The following C2CD2 variants were observed in gnomAD, a reference collection of about 807,000 sequenced individuals.
C2CD2 encodes C2 domain-containing protein 2.
A neutral mutation model predicts 74.3 loss-of-function variants in C2CD2; 43 were observed. The ratio of observed to expected loss-of-function variants is 0.58; its 90% CI spans 0.45 to 0.75. The LOEUF (loss-of-function observed/expected upper bound fraction) is 0.75, where lower values mean the gene tolerates loss of function less well. Ranked by LOEUF, C2CD2 falls within the 30% of genes least tolerant of loss-of-function variation. The pLI is 0.00. For synonymous variants in C2CD2, 422 were observed against 390.7 expected (o/e 1.08, Z -0.94); for missense variants, 801 against 916.3 (o/e 0.87, Z 1.63).
rs1271261467 is a variant in C2CD2, at chr21:41,923,908, GA to G, written c.379-1824del. 2.0e-5 allele frequency among the ~76,000 whole-genome samples: 3 copies of G among 152,150 alleles called. No homozygotes were observed. The highest frequency in any genetic ancestry group is 6.5e-5 in the Admixed American group (1 of 15,282). On this transcript the variant is annotated intron_variant, in intron 2 of 13. Transcript: ENST00000380486. This position sits in a 1 kb window ranked among gnomAD's most constrained non-coding sequence, Gnocchi z 5.8. ...AGGTGTGTACTGGCCAGGAGGAGGAGAGGGGAGGCCAGGGGCACAGTGGGCT... is the reference window on the plus strand; with the variant it reads ...AGGTGTGTACTGGCCAGGAGGAGGAGGGGGAGGCCAGGGGCACAGTGGGCT...
intron 2 of C2CD2, among the ~76,000 whole-genome samples, chr21:41,928,604 A>C (rs1418047745): frequency 2.0e-5 from 3 of 150,304 alleles, no homozygotes; most frequent in Non-Finnish European, 4.4e-5. Context: ...ACAGTTAGCT[A>C]GAGTGACAAA....
At chr21:41,901,798 TC>T in intron 11 of C2CD2, 49 bp from the exon 12 acceptor site, 1 of 1,558,968 alleles carries the variant, frequency 6.4e-7, no homozygotes, top group Non-Finnish European at 8.8e-7. Flanking sequence ...ATTAAAGACT[TC>T]CATGGGAACT....
intron 6 of C2CD2, among the ~76,000 whole-genome samples, chr21:41,912,853 G>A (rs2065044467): frequency 6.6e-6 from 1 of 152,204 alleles, no homozygotes; most frequent in African/African-American, 2.4e-5. Context: ...TAAATTAAAT[G>A]ACTAAGGTCG....
At position 41,953,720 on chromosome 21, in the gene C2CD2, CGCTGGCTGCG is replaced by C. The variant is rs2065470485; in HGVS notation, c.-82_-73del. 2 of 1,254,660 alleles carry C rather than the reference CGCTGGCTGCG, an allele frequency of 1.6e-6. No individual in the cohort carries two copies. 77.7% of individuals were successfully genotyped at this position (1,254,660 alleles called of 1,614,324 possible). A position where few individuals can be genotyped will look rare whatever the true frequency, so the allele number is the denominator to read the frequency against. ...GCCGGAACGGCGGACTCAGGACACG[CGCTGGCTGCG>C]GCCACAGCGCGCTGGGGGCGTGGAG... On this transcript the variant is annotated 5_prime_UTR_variant, in exon 1 of 14. Transcript: ENST00000380486.
chr21:41,910,026 G>A (rs1015898649), intron 7 of C2CD2, among the ~76,000 whole-genome samples: 2 of 148,072 alleles, frequency 1.4e-5, no homozygotes, highest in Non-Finnish European at 3.0e-5. Context: ...TAGAGATGAA[G>A]TCTTGCTACG....
chr21:41,949,302 C>A (rs1394852339), intron 1 of C2CD2, among the ~76,000 whole-genome samples: 1 of 152,090 alleles, frequency 6.6e-6, no homozygotes, highest in Non-Finnish European at 1.5e-5. Flanking sequence ...CGCAGGGGAG[C>A]AAAAGGAAAA....
At chr21:41,890,703 G>A (rs1328708820) in intron 13 of C2CD2, among the ~76,000 whole-genome samples, 3 of 152,130 alleles carry the variant, frequency 2.0e-5, no homozygotes, top group Admixed American at 1.3e-4. Context: ...TATGCAAATC[G>A]CCACCCATGT....
rs373230489 is a variant in C2CD2, at chr21:41,950,636, T to A, written c.279+2734A>T. Among the ~76,000 whole-genome samples the A allele has an allele frequency of 1.2e-3, 179 of 152,322 alleles. 1 individual carries two copies. Among genetic ancestry groups the A allele is most frequent in the African/African-American group, 3.7e-3 (155 of 41,574 alleles). ...GGAAACATTTAGGTCTCCAAGTTGA[T>A]ACTGCATCCCACCAGGGAACAGGCT... On this transcript the variant is annotated intron_variant, in intron 1 of 13. Coordinates refer to ENST00000380486, the MANE Select transcript of C2CD2 (RefSeq NM_015500.2).
chr21:41,935,580 C>T (rs1001246499), intron 2 of C2CD2, among the ~76,000 whole-genome samples: 1 of 152,064 alleles, frequency 6.6e-6, no homozygotes, highest in South Asian at 2.1e-4. Flanking sequence ...AGTTCTGACA[C>T]TGAGGGCCGG....
intron 2 of C2CD2, among the ~76,000 whole-genome samples, chr21:41,928,236 C>T (rs1453875230): frequency 3.3e-5 from 5 of 152,180 alleles, no homozygotes; most frequent in East Asian, 1.9e-4. Context: ...TCCGACCAAC[C>T]GACGAAACCT....
chr21:41,925,343 G>A (rs2065199122), intron 2 of C2CD2, among the ~76,000 whole-genome samples: 1 of 151,604 alleles, frequency 6.6e-6, no homozygotes, highest in African/African-American at 2.4e-5. Context: ...AATTAGCCAA[G>A]CATGGTGGTG....
chr21:41,899,643 G>A lies in C2CD2; in HGVS notation c.1561-281C>T, dbSNP rs2064869054. On this transcript the variant is annotated intron_variant, in intron 12 of 13. Coordinates refer to ENST00000380486, the MANE Select transcript of C2CD2 (RefSeq NM_015500.2). The surrounding 1 kb of genome is among the most constrained non-coding windows in gnomAD (Gnocchi z 4.4). The stretch of plus-strand genomic sequence containing the variant: ...TCTTCCTCTCACAGATGGGCCTAGC[G>A]GTGGGAGCGTTTGTGGCAAGCTGCA... Among the ~76,000 whole-genome samples the A allele has an allele frequency of 6.6e-6, 1 of 152,086 alleles. No homozygotes were observed. The highest frequency in any genetic ancestry group is 6.6e-5 in the Admixed American group (1 of 15,258).
At chr21:41,912,831 GA>G (rs200207214) in intron 6 of C2CD2, among the ~76,000 whole-genome samples, 2 of 151,860 alleles carry the variant, frequency 1.3e-5, no homozygotes, top group Non-Finnish European at 2.9e-5. Flanking sequence ...TGTATGCATA[GA>G]AAAAAAAGGC....
intron 3 of C2CD2, 134 bp downstream of exon 3, chr21:41,921,837 GT>G (rs1316521629): frequency 1.4e-5 from 9 of 630,866 alleles, no homozygotes; most frequent in Non-Finnish European, 2.6e-5. Context: ...AAAGGTTACA[GT>G]TTGAAAATTA....
chr21:41,911,210 T>C (rs903458111), intron 7 of C2CD2, among the ~76,000 whole-genome samples: 4 of 152,176 alleles, frequency 2.6e-5, no homozygotes, highest in Admixed American at 1.3e-4. Flanking sequence ...GATCTAGTAA[T>C]ACAATGAACA....
intron 2 of C2CD2, among the ~76,000 whole-genome samples, chr21:41,936,686 C>A (rs1212995438): frequency 1.3e-5 from 2 of 152,138 alleles, no homozygotes; most frequent in African/African-American, 4.8e-5. Flanking sequence ...TACAGCATGA[C>A]CAACCCCTCC....
rs1411356798 is a variant in C2CD2, at chr21:41,912,494, T to A, written c.845-54A>T. 16 of 154,342 alleles carry A rather than the reference T, an allele frequency of 1.0e-4. No individual in the cohort carries two copies. In the East Asian group the frequency reaches 1.8e-3, roughly 17 times the overall value. 9.6% of individuals were successfully genotyped at this position (154,342 alleles called of 1,614,324 possible). A position where few individuals can be genotyped will look rare whatever the true frequency, so the allele number is the denominator to read the frequency against. ...GGCGTTTATTTTTATTATTTATTTA[T>A]TTTTTTTTTTTTTTGAGACAGAGTC... On this transcript the variant is annotated intron_variant, in intron 6 of 13. Coordinates refer to ENST00000380486, the MANE Select transcript of C2CD2 (RefSeq NM_015500.2).
chr21:41,943,821 T>A (rs994913664), intron 1 of C2CD2, among the ~76,000 whole-genome samples: 1 of 152,134 alleles, frequency 6.6e-6, no homozygotes, highest in African/African-American at 2.4e-5. Context: ...GTCTATCTCA[T>A]CCCCCAAAAA....
Position 41,953,792 on chromosome 21 carries a change from G to A in C2CD2, c.-144C>T. 1.4e-6 allele frequency: 1 copy of A among 725,468 alleles called. No homozygotes were observed. The highest frequency in any genetic ancestry group is 1.9e-6 in the Non-Finnish European group (1 of 537,234). 44.9% of individuals were successfully genotyped at this position (725,468 alleles called of 1,614,324 possible). On this transcript the variant is annotated 5_prime_UTR_variant, in exon 1 of 14. Coordinates refer to ENST00000380486, the MANE Select transcript of C2CD2 (RefSeq NM_015500.2). ...GGGTCGGAGCCCGGCGAGGAGCGTGGCCGGGGGCCTCTGGGCGGGCAAGCG... is the reference window on the plus strand; with the variant it reads ...GGGTCGGAGCCCGGCGAGGAGCGTGACCGGGGGCCTCTGGGCGGGCAAGCG...
Sources: gnomAD v4.1 joint callset for allele counts (sites outside exome capture counted in the v4.1 genomes callset) on GRCh38, gnomAD v4.1.1 for gene constraint, Gnocchi (gnomAD v3.1) non-coding constraint, MANE v1.5 for transcripts, NCBI Gene and HGNC (gene_info 2026-07-23, HGNC 2026-07-21) for gene names.